Variants in DDX39B observed in about 807,000 individuals in gnomAD.
DDX39B encodes the protein DExD-box helicase 39B, also known as spliceosome RNA helicase DDX39B.
In DDX39B, 6 loss-of-function variants were observed where a neutral mutation model predicts 46.4. The ratio of observed to expected loss-of-function variants is 0.13; its 90% CI spans 0.07 to 0.26. DDX39B has a LOEUF of 0.26. Ranked by LOEUF, DDX39B falls within the 10% of genes least tolerant of loss-of-function variation. The pLI, the probability that DDX39B is intolerant of heterozygous loss-of-function variation, is 1.00. For synonymous variants in DDX39B, 174 were observed against 199.4 expected (o/e 0.87, Z 1.07); for missense variants, 185 against 553.4 (o/e 0.33, Z 6.68).
rs1424537074 is a variant in DDX39B at position 31,534,881 on chromosome 6, T to C, written c.735+486A>G. 2.6e-5 allele frequency: 7 copies of C among 270,232 alleles called. No homozygotes were observed. The highest frequency in any genetic ancestry group is 5.2e-5 in the Non-Finnish European group (7 of 135,772). The allele number at this position is 270,232 out of a possible 1,614,324, so 16.7% of individuals were successfully genotyped here. A position where few individuals can be genotyped will look rare whatever the true frequency, so the allele number is the denominator to read the frequency against. On this transcript the variant is annotated intron_variant, in intron 6 of 10. Coordinates refer to ENST00000396172, the MANE Select transcript of DDX39B (RefSeq NM_004640.7). This position sits in a 1 kb window ranked among gnomAD's most constrained non-coding sequence, Gnocchi z 5.1. ...TGGAGGTGGGGAAGGGGAGGATTCA[T>C]TTGTGCTGATGCTCTTCTTTTGGAC...
At chr6:31,540,258 A>G in intron 2 of DDX39B, 64 bp downstream of exon 2, 1 of 1,551,768 alleles carries the variant, frequency 6.4e-7, no homozygotes, top group Non-Finnish European at 8.9e-7. Flanking sequence ...GCAACGACAA[A>G]CACATCTTTG....
chr6:31,536,707 C>G, intron 4 of DDX39B, 24 bp from the exon 5 acceptor site: 1 of 1,609,508 alleles, frequency 6.2e-7, no homozygotes, highest in Non-Finnish European at 8.5e-7. Flanking sequence ...AGCAAAGAGT[C>G]TCAAAACAGA....
chr6:31,537,506 T>C (rs1767916197), intron 4 of DDX39B, among the ~76,000 whole-genome samples: 2 of 152,096 alleles, frequency 1.3e-5, no homozygotes. Context: ...ACATGGAACA[T>C]TAAGGTTTCC....
Position 31,530,376 on chromosome 6 carries a change from C to G in DDX39B, c.*58G>C. ...GGGGGCAGTAGTGTCTCCTTCACCC[C>G]CACCCTGGTGTCCTCTCCTGAAGGA... On this transcript the variant is annotated 3_prime_UTR_variant, in exon 11 of 11. Coordinates refer to ENST00000396172, the MANE Select transcript of DDX39B (RefSeq NM_004640.7). This position sits in a 1 kb window ranked among gnomAD's most constrained non-coding sequence, Gnocchi z 4.5. 2 of 1,608,050 alleles carry G rather than the reference C, an allele frequency of 1.2e-6. No individual in the cohort carries two copies. The highest frequency in any genetic ancestry group is 1.7e-6 in the Non-Finnish European group (2 of 1,176,968).
chr6:31,540,461 T>TC lies in DDX39B; in HGVS notation c.71dup (p.Asp25ArgfsTer4). 1 of 1,614,106 alleles carries TC rather than the reference T, an allele frequency of 6.2e-7. No homozygotes were observed. The highest frequency in any genetic ancestry group is 8.5e-7 in the Non-Finnish European group (1 of 1,180,030). On this transcript the variant is annotated frameshift_variant, in exon 2 of 11. Transcript: ENST00000396172. LOFTEE classifies it high-confidence loss of function. ...TCTTGGCAGGGGCCTCAGCCCCATCTCCCCCAGCTGCTGTCTCCACCTCAT... is the reference window on the plus strand; with the variant it reads ...TCTTGGCAGGGGCCTCAGCCCCATCTCCCCCCAGCTGCTGTCTCCACCTCAT...
In DDX39B at chr6:31,534,804, G is replaced by T; in HGVS notation, c.735+563C>A. On this transcript the variant is annotated intron_variant, in intron 6 of 10. Coordinates refer to ENST00000396172, the MANE Select transcript of DDX39B (RefSeq NM_004640.7). The surrounding 1 kb of genome is among the most constrained non-coding windows in gnomAD (Gnocchi z 5.1). ...GTTCCAGATGGGTGCAAGGAGATGT[G>T]GGTGGGAAGGAGTAGGGTATCGGGG... 3.2e-6 allele frequency: 1 copy of T among 307,924 alleles called. No individual in the cohort carries two copies. 19.1% of individuals were successfully genotyped at this position (307,924 alleles called of 1,614,324 possible). A position where few individuals can be genotyped will look rare whatever the true frequency, so the allele number is the denominator to read the frequency against.
chr6:31,530,724 C>T lies in DDX39B; in HGVS notation c.1270+55G>A. ...ATGACCTATGTGATGGGATTTCGGA[C>T]AAACACACTAAGGAACAGGGAGGAC... On this transcript the variant is annotated intron_variant, in intron 10 of 10. Transcript: ENST00000396172. This position sits in a 1 kb window ranked among gnomAD's most constrained non-coding sequence, Gnocchi z 4.5. 4 of 1,591,494 alleles carry T rather than the reference C, an allele frequency of 2.5e-6. No homozygotes were observed. The highest frequency in any genetic ancestry group is 3.4e-6 in the Non-Finnish European group (4 of 1,169,764).
chr6:31,539,325 C>T (rs1366661487), intron 2 of DDX39B, 51 bp from the exon 3 acceptor site: 1 of 1,589,400 alleles, frequency 6.3e-7, no homozygotes. Flanking sequence ...CTCCAGATAA[C>T]TCTACCTTTT....
chr6:31,530,470 T>C lies in DDX39B; in HGVS notation c.1271-20A>G, dbSNP rs1358025303. 5.0e-6 allele frequency: 8 copies of C among 1,610,654 alleles called. No individual in the cohort carries two copies. The highest frequency in any genetic ancestry group is 1.1e-5 in the South Asian group (1 of 91,010). The stretch of plus-strand genomic sequence containing the variant: ...GTTCAACTGAGAAGAAAACGTAGCA[T>C]GGTCAGAATAAGGCATGAAAAGGGG... On this transcript the variant is annotated intron_variant, in intron 10 of 10. Transcript: ENST00000396172. This position sits in a 1 kb window ranked among gnomAD's most constrained non-coding sequence, Gnocchi z 4.5.
chr6:31,531,469 C>T lies in DDX39B; in HGVS notation c.868-64G>A, dbSNP rs1767152009. 1 of 1,437,322 alleles carries T rather than the reference C, an allele frequency of 7.0e-7. No homozygotes were observed. Among genetic ancestry groups the T allele is most frequent in the Non-Finnish European group, 9.8e-7 (1 of 1,025,016 alleles). 89.0% of individuals were successfully genotyped at this position (1,437,322 alleles called of 1,614,324 possible). A position where few individuals can be genotyped will look rare whatever the true frequency, so the allele number is the denominator to read the frequency against. ...ATAGGGGTCCATGGTGTGTGAGAGA[C>T]ATTACGTGGGAGAGGGGAGTTTCTA... On this transcript the variant is annotated intron_variant, in intron 7 of 10. Transcript: ENST00000396172. This position sits in a 1 kb window ranked among gnomAD's most constrained non-coding sequence, Gnocchi z 5.8.
chr6:31,540,730 C>T lies in DDX39B; in HGVS notation c.-132-66G>A, dbSNP rs998484350. 13 of 590,516 alleles carry T rather than the reference C, an allele frequency of 2.2e-5. No homozygotes were observed. In the African/African-American group the frequency reaches 2.4e-4, roughly 11 times the overall value. The allele number at this position is 590,516 out of a possible 1,614,324, so 36.6% of individuals were successfully genotyped here. ...ACAGCCTTCACCACCTCTTTTCCAT[C>T]CCCAGTTCCCACTTTCCCTAAACCA... On this transcript the variant is annotated intron_variant, in intron 1 of 10. Transcript: ENST00000396172.
chr6:31,533,708 C>T (rs1767449311), intron 6 of DDX39B: 1 of 152,784 alleles, frequency 6.5e-6, no homozygotes, highest in Non-Finnish European at 1.5e-5. Context: ...ACAATCATAG[C>T]ACACTATAGC....
Position 31,531,809 on chromosome 6 carries a change from CAAGTAT to C in DDX39B, c.868-410_868-405del. The C allele has an allele frequency of 5.3e-6, 1 of 188,406 alleles. No homozygotes were observed. Among genetic ancestry groups the C allele is most frequent in the Non-Finnish European group, 1.1e-5 (1 of 89,900 alleles). The allele number at this position is 188,406 out of a possible 1,614,324, so 11.7% of individuals were successfully genotyped here. ...GTTTTAAATGCAAATAGACCACTCA[CAAGTAT>C]ATTAATTAAACACTTTTTTGAGATG... On this transcript the variant is annotated intron_variant, in intron 7 of 10. Transcript: ENST00000396172. The surrounding 1 kb of genome is among the most constrained non-coding windows in gnomAD (Gnocchi z 5.8).
chr6:31,538,423 T>A (rs1267397054), intron 4 of DDX39B, among the ~76,000 whole-genome samples: 1 of 152,212 alleles, frequency 6.6e-6, no homozygotes, highest in African/African-American at 2.4e-5. Flanking sequence ...CCCAAACTGC[T>A]GAGATTACAG....
chr6:31,532,916 G>C lies in DDX39B; in HGVS notation c.736-5C>G, dbSNP rs767114483. 1 of 1,435,986 alleles carries C rather than the reference G, an allele frequency of 7.0e-7. No individual in the cohort carries two copies. Among genetic ancestry groups the C allele is most frequent in the Non-Finnish European group, 9.5e-7 (1 of 1,056,588 alleles). The allele number at this position is 1,435,986 out of a possible 1,614,324, so 89.0% of individuals were successfully genotyped here. A position where few individuals can be genotyped will look rare whatever the true frequency, so the allele number is the denominator to read the frequency against. On this transcript the variant is annotated splice_polypyrimidine_tract_variant and splice_region_variant and intron_variant, in intron 6 of 10. Coordinates refer to ENST00000396172, the MANE Select transcript of DDX39B (RefSeq NM_004640.7). ...ATCCACGAAGATCTCCATTGGCTGG[G>C]GGGGAGGAAGGGGGTGGGGAACGGG...
In DDX39B at chr6:31,531,284, T is replaced by G; in HGVS notation, c.977+12A>C. The G allele has an allele frequency of 6.2e-7, 1 of 1,614,176 alleles. No homozygotes were observed. Among genetic ancestry groups the G allele is most frequent in the Non-Finnish European group, 8.5e-7 (1 of 1,180,028 alleles). ...CCAAGGACACAAAATATCTTTCCCA[T>G]CTTCAGCTCACCTCTCCTCCTGGGG... On this transcript the variant is annotated intron_variant, in intron 8 of 10. Transcript: ENST00000396172. The surrounding 1 kb of genome is among the most constrained non-coding windows in gnomAD (Gnocchi z 5.8).
At position 31,530,529 on chromosome 6, in the gene DDX39B, A is replaced by G; in HGVS notation, c.1271-79T>C. 3 of 1,579,184 alleles carry G rather than the reference A, an allele frequency of 1.9e-6. No individual in the cohort carries two copies. The South Asian group carries it at 3.3e-5, about 18-fold the overall frequency. On this transcript the variant is annotated intron_variant, in intron 10 of 10. Transcript: ENST00000396172. The surrounding 1 kb of genome is among the most constrained non-coding windows in gnomAD (Gnocchi z 4.5). ...GCAGGAACACACGGCACACATGCAG[A>G]CACTGGTGTACTGCCTGGGTTCAGA... is the stretch of plus-strand genomic sequence containing the variant.
intron 6 of DDX39B, chr6:31,533,113 GAT>G (rs1562407913): frequency 4.0e-6 from 2 of 499,022 alleles, no homozygotes; most frequent in Non-Finnish European, 7.4e-6. Context: ...CTTCCTATCA[GAT>G]GAGTTTTAAG....
chr6:31,535,279 A>C lies in DDX39B; in HGVS notation c.735+88T>G, dbSNP rs1562413351. 7.6e-7 allele frequency: 1 copy of C among 1,315,760 alleles called. No individual in the cohort carries two copies. Among genetic ancestry groups the C allele is most frequent in the East Asian group, 2.3e-5 (1 of 43,434 alleles). The allele number at this position is 1,315,760 out of a possible 1,614,324, so 81.5% of individuals were successfully genotyped here. On this transcript the variant is annotated intron_variant, in intron 6 of 10. Coordinates refer to ENST00000396172, the MANE Select transcript of DDX39B (RefSeq NM_004640.7). The surrounding 1 kb of genome is among the most constrained non-coding windows in gnomAD (Gnocchi z 4.6). ...GCACAAGCCGCCTTCTTGGCACTTG[A>C]ATGACAAGGGAGTCTGAGGAAGAGG...
Sources: allele counts gnomAD v4.1 joint callset (sites outside exome capture counted in the v4.1 genomes callset), GRCh38; gene constraint gnomAD v4.1.1; non-coding constraint Gnocchi (gnomAD v3.1); transcripts MANE v1.5; gene names NCBI Gene and HGNC (gene_info 2026-07-23, HGNC 2026-07-21).